The following NBAS variants were observed in gnomAD, a reference collection of about 807,000 sequenced individuals.
The protein encoded by NBAS is NBAS subunit of NRZ tethering complex.
A neutral mutation model predicts 302.5 loss-of-function variants in NBAS; 219 were observed. The ratio of observed to expected loss-of-function variants is 0.72; its 90% CI spans 0.65 to 0.81. NBAS has a LOEUF of 0.81. Ranked by LOEUF, NBAS falls within the 30% of genes least tolerant of loss-of-function variation. NBAS has a pLI of 0.00. For missense variants in NBAS, 2,932 were observed against 2,841.6 expected (o/e 1.03, Z -0.72); for synonymous variants, 1,118 against 1,021.6 (o/e 1.09, Z -1.80).
the NBAS span, among the ~76,000 whole-genome samples, chr2:14,814,817 C>T: frequency 1.1e-4 from 16 of 151,654 alleles, no homozygotes; most frequent in African/African-American, 2.7e-4. Flanking sequence ...GGCTCTGTGT[C>T]CCCCCCCAAA....
intron 44 of NBAS, among the ~76,000 whole-genome samples, chr2:15,242,071 T>C (rs4668439): frequency 0.12 from 18,861 of 152,248 alleles, 1,574 homozygotes; most frequent in East Asian, 0.31. Flanking sequence ...CACTGGCAAG[T>C]CCTCTGCTCC....
chr2:15,333,865 C>T (rs1188151856), intron 35 of NBAS, among the ~76,000 whole-genome samples: 1 of 150,548 alleles, frequency 6.6e-6, no homozygotes, highest in South Asian at 2.1e-4. Flanking sequence ...AAAGAAGAGC[C>T]GCGCAAGTTG....
At chr2:15,279,938 A>G (rs1669751578) in intron 42 of NBAS, among the ~76,000 whole-genome samples, 1 of 152,226 alleles carries the variant, frequency 6.6e-6, no homozygotes, top group Non-Finnish European at 1.5e-5. Flanking sequence ...AAGAGAGTAG[A>G]AAGAAATACC....
At chr2:14,887,673 G>A in the NBAS span, among the ~76,000 whole-genome samples, 5,773 of 151,950 alleles carry the variant, frequency 0.038, 139 homozygotes, top group Non-Finnish European at 0.051. Context: ...TCCTCTCCAC[G>A]CCCCTCCCCA....
intron 11 of NBAS, among the ~76,000 whole-genome samples, chr2:15,499,067 G>T (rs1271724540): frequency 1.3e-5 from 2 of 151,594 alleles, no homozygotes; most frequent in Non-Finnish European, 2.9e-5. Flanking sequence ...TAGCTGAAAT[G>T]ACAAGTACGT....
At chr2:14,853,978 C>A in the NBAS span, among the ~76,000 whole-genome samples, 1 of 138,892 alleles carries the variant, frequency 7.2e-6, no homozygotes, top group Non-Finnish European at 1.5e-5. Context: ...TGCTAGATGA[C>A]GAGTTAGTGG....
chr2:15,417,837 C>T (rs1677024231), intron 23 of NBAS, 125 bp from the exon 24 acceptor site: 1 of 927,640 alleles, frequency 1.1e-6, no homozygotes, highest in Non-Finnish European at 1.6e-6. Context: ...TTACCAGTAA[C>T]ATACGTTTTT....
At chr2:15,409,971 T>C (rs903192298) in intron 25 of NBAS, among the ~76,000 whole-genome samples, 20 of 152,166 alleles carry the variant, frequency 1.3e-4, no homozygotes, top group African/African-American at 4.8e-4. Context: ...GGCGTATTAA[T>C]TGAAAGCACA....
chr2:15,452,462 C>A (rs972778063), intron 21 of NBAS, among the ~76,000 whole-genome samples: 8 of 151,552 alleles, frequency 5.3e-5, no homozygotes, highest in Non-Finnish European at 1.2e-4. Context: ...GTGGCGGGTG[C>A]CTGTAGTCCC....
the NBAS span, among the ~76,000 whole-genome samples, chr2:14,970,904 T>C: frequency 6.6e-6 from 1 of 152,176 alleles, no homozygotes; most frequent in Non-Finnish European, 1.5e-5. Context: ...CTTGGTATCA[T>C]CACATAAGCT....
chr2:15,212,094 C>A (rs565397741), intron 48 of NBAS, among the ~76,000 whole-genome samples: 1 of 152,342 alleles, frequency 6.6e-6, no homozygotes, highest in African/African-American at 2.4e-5. Context: ...GCCCCCATAT[C>A]TAAGCAGACA....
chr2:14,796,983 T>C, the NBAS span, among the ~76,000 whole-genome samples: 7 of 148,064 alleles, frequency 4.7e-5, no homozygotes, highest in Non-Finnish European at 8.9e-5. Flanking sequence ...CCAGCTACTC[T>C]GGAGGCTGAG....
chr2:15,558,151 G>A (rs997647517), intron 2 of NBAS, among the ~76,000 whole-genome samples: 10 of 152,138 alleles, frequency 6.6e-5, no homozygotes, highest in African/African-American at 2.2e-4. Context: ...TCCCTCACAC[G>A]TGCAGTTCAC....
chr2:15,215,611 G>C (rs1255233788), intron 48 of NBAS, among the ~76,000 whole-genome samples: 1 of 152,144 alleles, frequency 6.6e-6, no homozygotes, highest in Non-Finnish European at 1.5e-5. Context: ...AGGGGATAGA[G>C]AGAAAATGAA....
At chr2:15,427,944 T>C (rs113542697) in intron 21 of NBAS, 150 bp from the exon 22 acceptor site, 11 of 624,090 alleles carry the variant, frequency 1.8e-5, no homozygotes, top group African/African-American at 1.1e-4. Context: ...ACATATTATA[T>C]ACATACTATA....
the NBAS span, among the ~76,000 whole-genome samples, chr2:14,924,260 A>G: frequency 2.6e-5 from 4 of 152,246 alleles, no homozygotes; most frequent in African/African-American, 9.6e-5. Flanking sequence ...GATTCCTGTC[A>G]TGGAGATGAT....
At chr2:15,498,052 G>GT (rs1381540303) in intron 11 of NBAS, among the ~76,000 whole-genome samples, 2 of 152,036 alleles carry the variant, frequency 1.3e-5, no homozygotes, top group Non-Finnish European at 2.9e-5. Flanking sequence ...CTGATTCTCC[G>GT]TAACTAATCT....
chr2:15,231,954 G>A lies in NBAS; in HGVS notation c.6236+468C>T, dbSNP rs1031633602. Among the ~76,000 whole-genome samples the A allele has an allele frequency of 4.7e-4, 71 of 152,042 alleles. 1 individual carries two copies. The highest frequency in any genetic ancestry group is 2.9e-4 in the African/African-American group (12 of 41,394). ...AAAAATTCTTTCTAAAAATAGCATC[G>A]GAGATACACATCTTTCTAGGCTTAT... On this transcript the variant is annotated intron_variant, in intron 47 of 51. Coordinates refer to ENST00000281513, the MANE Select transcript of NBAS (RefSeq NM_015909.4).
the NBAS span, among the ~76,000 whole-genome samples, chr2:15,098,245 A>AG: frequency 7.8e-5 from 3 of 38,516 alleles, no homozygotes; most frequent in Non-Finnish European, 1.2e-4. Context: ...TATATAATAT[A>AG]TTATATGTAT....
Sources: allele counts gnomAD v4.1 joint callset (sites outside exome capture counted in the v4.1 genomes callset), GRCh38; gene constraint gnomAD v4.1.1; transcripts MANE v1.5; gene names NCBI Gene and HGNC (gene_info 2026-07-23, HGNC 2026-07-21).